The following SLAMF1 variants were observed in gnomAD, a reference collection of about 807,000 sequenced individuals.
SLAMF1 encodes the protein signaling lymphocytic activation molecule.
A neutral mutation model predicts 35.1 loss-of-function variants in SLAMF1; 18 were observed. That is an observed-to-expected ratio of 0.51 (90% CI 0.35 to 0.76). The LOEUF (loss-of-function observed/expected upper bound fraction) is 0.76, where lower values mean the gene tolerates loss of function less well. Ranked by LOEUF, SLAMF1 falls within the 30% of genes least tolerant of loss-of-function variation. The probability of loss-of-function intolerance (pLI) is 0.01; values close to 1 mark genes in which losing one functional copy is unlikely to be tolerated. For missense variants in SLAMF1, 392 were observed against 413.0 expected (o/e 0.95, Z 0.44); for synonymous variants, 168 against 157.2 (o/e 1.07, Z -0.51).
intron 1 of SLAMF1, among the ~76,000 whole-genome samples, chr1:160,638,689 C>G (rs186592842): frequency 1.2e-3 from 179 of 152,320 alleles, no homozygotes; most frequent in African/African-American, 4.0e-3. Context: ...TTCTTCCCCA[C>G]TGCTCGCTGG....
intron 4 of SLAMF1, among the ~76,000 whole-genome samples, chr1:160,620,507 T>C (rs911056451): frequency 3.9e-5 from 6 of 152,208 alleles, no homozygotes; most frequent in African/African-American, 9.7e-5. Context: ...AATATTTTAA[T>C]TTTTAGCCAA....
At chr1:160,612,841 A>G (rs1659077307) in intron 5 of SLAMF1, among the ~76,000 whole-genome samples, 1 of 152,148 alleles carries the variant, frequency 6.6e-6, no homozygotes, top group Non-Finnish European at 1.5e-5. Flanking sequence ...GTGCTTCTCA[A>G]ATGTTTTAAA....
intron 5 of SLAMF1, among the ~76,000 whole-genome samples, chr1:160,618,604 A>AG (rs1659440277): frequency 6.6e-6 from 1 of 152,232 alleles, no homozygotes; most frequent in Non-Finnish European, 1.5e-5. Context: ...TCAGTCTTGC[A>AG]GGTCAGCTCA....
chr1:160,617,525 A>G (rs192383294), intron 5 of SLAMF1, among the ~76,000 whole-genome samples: 1 of 152,176 alleles, frequency 6.6e-6, no homozygotes, highest in African/African-American at 2.4e-5. Context: ...ATTCAAAGAC[A>G]TATATGAATC....
chr1:160,614,222 T>G, intron 5 of SLAMF1, among the ~76,000 whole-genome samples: 1 of 152,166 alleles, frequency 6.6e-6, no homozygotes. Flanking sequence ...TGAAGAAATT[T>G]TGAGTTTAAG....
At chr1:160,644,882 G>C (rs1227651340) in intron 1 of SLAMF1, among the ~76,000 whole-genome samples, 29 of 152,128 alleles carry the variant, frequency 1.9e-4, no homozygotes, top group Admixed American at 1.9e-3. Flanking sequence ...TGTGTGAAGG[G>C]GGTGCAGAGG....
At chr1:160,617,155 CA>C (rs34228369) in intron 5 of SLAMF1, among the ~76,000 whole-genome samples, 55,872 of 146,648 alleles carry the variant, frequency 0.38, 11,814 homozygotes, top group East Asian at 0.64. Flanking sequence ...AACTCTGTCT[CA>C]AAAAAAAATT....
intron 1 of SLAMF1, 111 bp from the exon 2 acceptor site, chr1:160,637,640 C>G (rs1470750863): frequency 1.3e-6 from 1 of 769,442 alleles, no homozygotes; most frequent in Non-Finnish European, 2.0e-6. Flanking sequence ...CTTTGGCTAT[C>G]CCTGGGGTTG....
At position 160,634,812 on chromosome 1, in the gene SLAMF1, C is replaced by T. The variant is rs1370032253; in HGVS notation, c.501G>A (p.Glu167=). ...AGCTGTAAGCCACATGGTCCCCCTTCTCCACTGTGCAGCCCAGTATCAAGG... is the reference window on the plus strand; with the variant it reads ...AGCTGTAAGCCACATGGTCCCCCTTTTCCACTGTGCAGCCCAGTATCAAGG... ...TCTLILGCTV[E]KGDHVAYSWS... Residue 167 remains glutamate, a synonymous_variant, in exon 3 of 7, where the codon GAG becomes GAA. Transcript: ENST00000302035. The T allele has an allele frequency of 6.2e-7, 1 of 1,614,160 alleles. No homozygotes were observed. Among genetic ancestry groups the T allele is most frequent in the South Asian group, 1.1e-5 (1 of 91,086 alleles).
intron 3 of SLAMF1, among the ~76,000 whole-genome samples, chr1:160,631,429 A>C (rs1040154297): frequency 6.6e-6 from 1 of 152,192 alleles, no homozygotes; most frequent in Non-Finnish European, 1.5e-5. Flanking sequence ...CACAGAGTTA[A>C]TTGAGTAAAA....
At position 160,608,476 on chromosome 1, in the gene SLAMF1, A is replaced by C. The variant is rs1192026224; in HGVS notation, c.*2272T>G. ...TTTGGGGGAAACTAGAGAGTTGTGAATGTATCACCAGAAGGGGTTGTTTTA... is the reference window on the plus strand; with the variant it reads ...TTTGGGGGAAACTAGAGAGTTGTGACTGTATCACCAGAAGGGGTTGTTTTA... On this transcript the variant is annotated 3_prime_UTR_variant, in exon 7 of 7. Coordinates refer to ENST00000302035, the MANE Select transcript of SLAMF1 (RefSeq NM_003037.5). 6.6e-6 allele frequency: 1 copy of C among 152,266 alleles called. No homozygotes were observed. Among genetic ancestry groups the C allele is most frequent in the African/African-American group, 2.4e-5 (1 of 41,462 alleles). The allele number at this position is 152,266 out of a possible 1,614,324, so 9.4% of individuals were successfully genotyped here. A position where few individuals can be genotyped will look rare whatever the true frequency, so the allele number is the denominator to read the frequency against.
At position 160,608,610 on chromosome 1, in the gene SLAMF1, C is replaced by T. The variant is rs1216988191; in HGVS notation, c.*2138G>A. The T allele has an allele frequency of 1.3e-5, 2 of 152,224 alleles. No individual in the cohort carries two copies. The highest frequency in any genetic ancestry group is 1.9e-4 in the East Asian group (1 of 5,194). 9.4% of individuals were successfully genotyped at this position (152,224 alleles called of 1,614,324 possible). On this transcript the variant is annotated 3_prime_UTR_variant, in exon 7 of 7. Coordinates refer to ENST00000302035, the MANE Select transcript of SLAMF1 (RefSeq NM_003037.5). ...GTCTTGAGCCCAGGGGTGCAGGATA[C>T]TTGGAAGTGATAGCCTCTTCTTCAC...
chr1:160,626,166 G>A (rs1659869637), intron 3 of SLAMF1, among the ~76,000 whole-genome samples: 1 of 151,976 alleles, frequency 6.6e-6, no homozygotes, highest in African/African-American at 2.4e-5. Flanking sequence ...TTTCACTTGA[G>A]ATTAAAAAAA....
intron 5 of SLAMF1, among the ~76,000 whole-genome samples, chr1:160,613,639 A>C (rs866296570): frequency 6.6e-6 from 1 of 152,246 alleles, no homozygotes; most frequent in African/African-American, 2.4e-5. Context: ...CATGTGTTTT[A>C]ATGCGAGAAA....
chr1:160,637,067 A>T (rs1415790169), intron 2 of SLAMF1, 124 bp downstream of exon 2: 47 of 673,652 alleles, frequency 7.0e-5, no homozygotes, highest in Non-Finnish European at 2.6e-6. Flanking sequence ...AATACCCCCA[A>T]ACTAGAAGAT....
At chr1:160,626,999 G>A (rs2102310270) in intron 3 of SLAMF1, among the ~76,000 whole-genome samples, 1 of 152,200 alleles carries the variant, frequency 6.6e-6, no homozygotes, top group South Asian at 2.1e-4. Flanking sequence ...CAGCACCTGT[G>A]GTTTATGTCA....
In SLAMF1 at chr1:160,634,759, A is replaced by G. The variant is rs1394874492; in HGVS notation, c.554T>C (p.Leu185Pro). Residue 185 changes from leucine to proline, a missense_variant, in exon 3 of 7, where the codon CTG (leucine) becomes CCG (proline). Coordinates refer to ENST00000302035, the MANE Select transcript of SLAMF1 (RefSeq NM_003037.5). ...GAGGTGGGAGCTGTTGGCTGGGTTC[A>G]GTGGGTGGGTGCCCGCCTTTTCACT... ...SWSEKAGTHP[L>P]NPANSSHLLS... The G allele has an allele frequency of 1.2e-6, 2 of 1,614,168 alleles. No individual in the cohort carries two copies. The highest frequency in any genetic ancestry group is 1.3e-5 in the African/African-American group (1 of 75,032).
intron 4 of SLAMF1, among the ~76,000 whole-genome samples, chr1:160,621,940 G>A (rs575005769): frequency 1.3e-5 from 2 of 151,832 alleles, no homozygotes; most frequent in East Asian, 3.9e-4. Context: ...GGAGGTTCAA[G>A]TTAGTCCCCA....
At chr1:160,637,018 A>G (rs188267538) in intron 2 of SLAMF1, 173 bp downstream of exon 2, 6 of 597,820 alleles carry the variant, frequency 1.0e-5, no homozygotes, top group Admixed American at 3.0e-5. Context: ...TGGAAAAAAA[A>G]ATGTCAACCT....
Sources: gnomAD v4.1 joint callset for allele counts (sites outside exome capture counted in the v4.1 genomes callset) on GRCh38, gnomAD v4.1.1 for gene constraint, MANE v1.5 for transcripts, NCBI Gene and HGNC (gene_info 2026-07-23, HGNC 2026-07-21) for gene names.